Variants in CDH10 observed in about 807,000 individuals in gnomAD.
CDH10 encodes cadherin 10, also known as cadherin-10.
CDH10 carries 30 observed loss-of-function variants against 73.1 expected under a neutral mutation model. The ratio of observed to expected loss-of-function variants is 0.41; its 90% CI spans 0.31 to 0.56. The LOEUF (loss-of-function observed/expected upper bound fraction) is 0.56, where lower values mean the gene tolerates loss of function less well. CDH10 is among the 20% of genes least tolerant of loss of function. The pLI, the probability that CDH10 is intolerant of heterozygous loss-of-function variation, is 0.27. For synonymous variants in CDH10, 345 were observed against 348.2 expected (o/e 0.99, Z 0.10); for missense variants, 815 against 973.7 (o/e 0.84, Z 2.17).
intron 1 of CDH10, among the ~76,000 whole-genome samples, chr5:24,604,179 T>C (rs1746670737): frequency 6.6e-6 from 1 of 152,038 alleles, no homozygotes; most frequent in African/African-American, 2.4e-5. Flanking sequence ...TGAGACCCCA[T>C]ATCTACAAAA....
intron 8 of CDH10, among the ~76,000 whole-genome samples, chr5:24,500,211 C>T (rs1742440462): frequency 6.6e-6 from 1 of 152,108 alleles, no homozygotes; most frequent in Non-Finnish European, 1.5e-5. Flanking sequence ...CCCTTGTTCT[C>T]TCCATATAAT....
chr5:24,569,920 C>T (rs1334772592), intron 2 of CDH10, among the ~76,000 whole-genome samples: 1 of 152,072 alleles, frequency 6.6e-6, no homozygotes, highest in African/African-American at 2.4e-5. Flanking sequence ...CGTGCCACGA[C>T]GCCCGGCTAA....
At position 24,506,910 on chromosome 5, in the gene CDH10, G is replaced by T. The variant is rs114524226; in HGVS notation, c.1257-1662C>A. Among the ~76,000 whole-genome samples, 277 of 152,254 alleles carry T rather than the reference G, an allele frequency of 1.8e-3. 1 individual carries two copies. The highest frequency in any genetic ancestry group is 6.2e-3 in the African/African-American group (256 of 41,568). ...TGAATTAATTCTTGTAGTTCAGAATGAAGAAGTAATGACAAAATTTTGAAC... is the reference window on the plus strand; with the variant it reads ...TGAATTAATTCTTGTAGTTCAGAATTAAGAAGTAATGACAAAATTTTGAAC... On this transcript the variant is annotated intron_variant, in intron 7 of 11. Transcript: ENST00000264463.
intron 8 of CDH10, chr5:24,499,595 G>A (rs1283661303): frequency 2.0e-5 from 3 of 151,922 alleles, no homozygotes; most frequent in East Asian, 1.9e-4. Context: ...GCTGAGGCAG[G>A]AGAATCACTT....
chr5:24,554,443 T>TA (rs1321612895), intron 2 of CDH10, among the ~76,000 whole-genome samples: 1 of 151,672 alleles, frequency 6.6e-6, no homozygotes, highest in Non-Finnish European at 1.5e-5. Context: ...GCATATTCTC[T>TA]AACTTTTCAA....
intron 8 of CDH10, among the ~76,000 whole-genome samples, chr5:24,500,505 C>T (rs1414944648): frequency 1.3e-5 from 2 of 152,198 alleles, no homozygotes; most frequent in African/African-American, 4.8e-5. Flanking sequence ...TCGTGTACCA[C>T]GAGGTTTAGC....
intron 9 of CDH10, among the ~76,000 whole-genome samples, chr5:24,496,573 C>T (rs950601183): frequency 6.6e-6 from 1 of 152,144 alleles, no homozygotes; most frequent in Non-Finnish European, 1.5e-5. Flanking sequence ...TTTGTCACCT[C>T]ATTTTGTCCA....
chr5:24,605,320 C>T (rs1746723800), intron 1 of CDH10, among the ~76,000 whole-genome samples: 1 of 152,226 alleles, frequency 6.6e-6, no homozygotes, highest in Non-Finnish European at 1.5e-5. Context: ...GCATTAGCAC[C>T]TGAGTTGCAC....
chr5:24,497,900 T>C (rs1480990538), intron 9 of CDH10, among the ~76,000 whole-genome samples: 1 of 152,216 alleles, frequency 6.6e-6, no homozygotes, highest in Non-Finnish European at 1.5e-5. Flanking sequence ...TATGCTGCTG[T>C]AATGATGAAA....
At chr5:24,540,000 T>C (rs1744091461) in intron 2 of CDH10, among the ~76,000 whole-genome samples, 1 of 152,088 alleles carries the variant, frequency 6.6e-6, no homozygotes, top group African/African-American at 2.4e-5. Context: ...CAGTTATATT[T>C]ATTCTCTATG....
At chr5:24,629,271 A>G (rs981103105) in intron 1 of CDH10, among the ~76,000 whole-genome samples, 1 of 152,156 alleles carries the variant, frequency 6.6e-6, no homozygotes, top group Non-Finnish European at 1.5e-5. Flanking sequence ...GAGCTTGGAT[A>G]TAAAAACATC....
At chr5:24,600,668 A>G (rs1467812791) in intron 1 of CDH10, among the ~76,000 whole-genome samples, 3 of 152,254 alleles carry the variant, frequency 2.0e-5, no homozygotes, top group South Asian at 4.1e-4. Context: ...CAAGGACAGG[A>G]GTTAAAATGA....
chr5:24,603,426 T>C (rs1746639096), intron 1 of CDH10, among the ~76,000 whole-genome samples: 1 of 152,182 alleles, frequency 6.6e-6, no homozygotes, highest in African/African-American at 2.4e-5. Context: ...TGAAGACAGA[T>C]ACACAAATCT....
chr5:24,580,578 G>A (rs545396853), intron 2 of CDH10, among the ~76,000 whole-genome samples: 1 of 152,038 alleles, frequency 6.6e-6, no homozygotes. Context: ...AACTTAGTTA[G>A]TATAATATCA....
In CDH10 at chr5:24,535,712, G is replaced by T. The variant is rs370667527; in HGVS notation, c.637C>A (p.Pro213Thr). 8 of 1,609,804 alleles carry T rather than the reference G, an allele frequency of 5.0e-6. No individual in the cohort carries two copies. Among genetic ancestry groups the T allele is most frequent in the Admixed American group, 3.4e-5 (2 of 59,408 alleles). ...ATTCATGATTCCTGACCTGTTTCAG[G>T]CTCCACAGAGAAATAGGGCTGCCCT... is the stretch of plus-strand genomic sequence containing the variant. Reference protein sequence around the residue: ...LQGQPYFSVEPETGIIRTALP... With the variant: ...LQGQPYFSVETETGIIRTALP... Residue 213 changes from proline to threonine, a missense_variant, in exon 4 of 12, where the codon CCT becomes ACT. By Grantham distance (38) the Pro-to-Thr change is conservative. Coordinates refer to ENST00000264463, the MANE Select transcript of CDH10 (RefSeq NM_006727.5).
chr5:24,584,302 T>TA (rs1401151665), intron 2 of CDH10, among the ~76,000 whole-genome samples: 1 of 152,096 alleles, frequency 6.6e-6, no homozygotes, highest in Non-Finnish European at 1.5e-5. Flanking sequence ...AAGGTCTTTT[T>TA]AAAAACTGGT....
chr5:24,502,791 T>C (rs1157579006), intron 8 of CDH10, among the ~76,000 whole-genome samples: 2 of 152,174 alleles, frequency 1.3e-5, no homozygotes, highest in Non-Finnish European at 1.5e-5. Context: ...AGCACAATCA[T>C]GATTCTGAAA....
At chr5:24,550,775 A>G (rs1423734565) in intron 2 of CDH10, among the ~76,000 whole-genome samples, 1 of 152,170 alleles carries the variant, frequency 6.6e-6, no homozygotes, top group Non-Finnish European at 1.5e-5. Context: ...AAAACCTAAG[A>G]GTCACTGAGT....
chr5:24,635,272 G>T (rs1199522133), intron 1 of CDH10, among the ~76,000 whole-genome samples: 1 of 151,856 alleles, frequency 6.6e-6, no homozygotes, highest in African/African-American at 2.4e-5. Flanking sequence ...CACTGCCTCT[G>T]TTCACCATTC....
Sources: allele counts gnomAD v4.1 joint callset (sites outside exome capture counted in the v4.1 genomes callset), GRCh38; gene constraint gnomAD v4.1.1; transcripts MANE v1.5; gene names NCBI Gene and HGNC (gene_info 2026-07-23, HGNC 2026-07-21).